Variants in NCAPD3 observed in about 807,000 individuals in gnomAD.
NCAPD3 encodes the protein condensin-2 complex subunit D3.
In NCAPD3, 105 loss-of-function variants were observed where a neutral mutation model predicts 182.9. That is an observed-to-expected ratio of 0.57 (90% CI 0.49 to 0.68). The LOEUF (loss-of-function observed/expected upper bound fraction) is 0.68, where lower values mean the gene tolerates loss of function less well. Among genes scored for constraint, NCAPD3 ranks in the 30% least tolerant of loss-of-function variants. NCAPD3 has a pLI of 0.00. For synonymous variants in NCAPD3, 815 were observed against 679.9 expected, an observed-to-expected ratio of 1.20 and a Z score of -3.09; for missense variants, 1,944 against 1,837.0, an observed-to-expected ratio of 1.06 and a Z score of -1.07.
intron 20 of NCAPD3, 96 bp downstream of exon 20, chr11:134,180,981 A>G: frequency 1.2e-6 from 1 of 848,394 alleles, no homozygotes; most frequent in Non-Finnish European, 1.9e-6. Flanking sequence ...CTCTTTTGTT[A>G]AAAGCATTTA....
At chr11:134,167,208 C>G (rs1417201371) in intron 27 of NCAPD3, among the ~76,000 whole-genome samples, 1 of 103,930 alleles carries the variant, frequency 9.6e-6, no homozygotes, top group Non-Finnish European at 1.8e-5. Context: ...TTAGGGAGAG[C>G]AGCACACTCG....
chr11:134,167,239 C>G (rs79079489), intron 27 of NCAPD3, among the ~76,000 whole-genome samples: 18 of 117,542 alleles, frequency 1.5e-4, no homozygotes, highest in South Asian at 1.2e-3. Flanking sequence ...TTGGGGGAGG[C>G]GCACACTCGT....
chr11:134,217,799 T>G (rs1938081062), intron 2 of NCAPD3, among the ~76,000 whole-genome samples: 1 of 152,116 alleles, frequency 6.6e-6, no homozygotes, highest in African/African-American at 2.4e-5. Context: ...CTAAAAAACT[T>G]ACGGGAGAAA....
intron 19 of NCAPD3, among the ~76,000 whole-genome samples, chr11:134,182,460 C>T (rs1206752888): frequency 2.0e-5 from 3 of 152,192 alleles, no homozygotes; most frequent in Admixed American, 6.5e-5. Flanking sequence ...GGCAGCCTAC[C>T]GTCCCCAACC....
chr11:134,183,378 G>A (rs1565538549), intron 19 of NCAPD3, among the ~76,000 whole-genome samples: 1 of 152,140 alleles, frequency 6.6e-6, no homozygotes, highest in Non-Finnish European at 1.5e-5. Flanking sequence ...GACCAGCCTG[G>A]CCAACATGGT....
intron 18 of NCAPD3, 47 bp from the exon 19 acceptor site, chr11:134,184,799 T>G (rs202131048): frequency 4.5e-6 from 6 of 1,322,374 alleles, no homozygotes; most frequent in East Asian, 2.4e-5. Flanking sequence ...TTAAATATAT[T>G]CAGGTATATA....
intron 13 of NCAPD3, among the ~76,000 whole-genome samples, chr11:134,201,872 T>A (rs1249536260): frequency 6.6e-6 from 1 of 152,256 alleles, no homozygotes; most frequent in East Asian, 1.9e-4. Flanking sequence ...GAGTAATACA[T>A]GCTAATATCT....
At chr11:134,165,836 C>T (rs551095191) in intron 27 of NCAPD3, among the ~76,000 whole-genome samples, 2 of 143,954 alleles carry the variant, frequency 1.4e-5, no homozygotes, top group Non-Finnish European at 3.0e-5. Context: ...GGGGGAGGCG[C>T]ACACTCGTGA....
chr11:134,209,385 T>C lies in NCAPD3; in HGVS notation c.660A>G (p.Leu220=), dbSNP rs1277509416. Residue 220 remains leucine (L), a synonymous_variant, in exon 5 of 35, where the codon TTA becomes TTG. Coordinates refer to ENST00000534548, the MANE Select transcript of NCAPD3 (RefSeq NM_015261.3). ...SQIRNAIFHL[L]KNFLRLLPKF... is the part of the protein sequence containing the mutation. Reference sequence around the variant, plus strand: ...TTGGCAGAAGCCTTAAAAAATTCTTTAAAAGGTGAAAGATGGCATTTCGAA... The same window carrying C: ...TTGGCAGAAGCCTTAAAAAATTCTTCAAAAGGTGAAAGATGGCATTTCGAA... The C allele has an allele frequency of 5.6e-6, 9 of 1,613,996 alleles. No individual in the cohort carries two copies. The highest frequency in any genetic ancestry group is 2.2e-5 in the East Asian group (1 of 44,882).
intron 27 of NCAPD3, among the ~76,000 whole-genome samples, chr11:134,163,855 C>T (rs1302700095): frequency 8.4e-6 from 1 of 119,350 alleles, no homozygotes; most frequent in Non-Finnish European, 1.6e-5. Context: ...CTGGGCGACG[C>T]AGTGAGATTC....
intron 32 of NCAPD3, among the ~76,000 whole-genome samples, chr11:134,155,551 A>G (rs905663271): frequency 2.0e-5 from 3 of 152,210 alleles, no homozygotes; most frequent in Admixed American, 1.3e-4. Flanking sequence ...GGCTCCACAC[A>G]GGCAGATGAG....
chr11:134,156,792 G>C (rs987926946), intron 32 of NCAPD3: 1 of 426,478 alleles, frequency 2.3e-6, no homozygotes, highest in African/African-American at 2.0e-5. Context: ...GGCCACTGTG[G>C]TGTTTGACTG....
chr11:134,159,520 G>T (rs957079952), intron 29 of NCAPD3, among the ~76,000 whole-genome samples: 2 of 152,216 alleles, frequency 1.3e-5, no homozygotes, highest in African/African-American at 4.8e-5. Context: ...AGATCTGCCT[G>T]CATTCCTCAG....
chr11:134,210,960 A>G (rs1048402749), intron 3 of NCAPD3, among the ~76,000 whole-genome samples: 4 of 152,236 alleles, frequency 2.6e-5, no homozygotes, highest in Admixed American at 2.6e-4. Flanking sequence ...ACACAGAAAA[A>G]GAGTTCTAGA....
chr11:134,207,443 T>C (rs1232667651), intron 7 of NCAPD3, among the ~76,000 whole-genome samples: 1 of 152,008 alleles, frequency 6.6e-6, no homozygotes, highest in East Asian at 1.9e-4. Flanking sequence ...AAGTCAGTAC[T>C]TTCACAATTA....
rs1943200572 is a variant in NCAPD3, at chr11:134,150,787, G to A, written c.*2157C>T. The A allele has an allele frequency of 2.6e-5, 4 of 152,126 alleles. No homozygotes were observed. The highest frequency in any genetic ancestry group is 4.2e-4 in the South Asian group (2 of 4,818). The allele number at this position is 152,126 out of a possible 1,614,324, so 9.4% of individuals were successfully genotyped here. A position where few individuals can be genotyped will look rare whatever the true frequency, so the allele number is the denominator to read the frequency against. Reference sequence around the variant, plus strand: ...TTTGCCACAGAGAAAGCACCCAGACGCCACAGGCTCTGTCGCATTTCAAAA... The same window carrying A: ...TTTGCCACAGAGAAAGCACCCAGACACCACAGGCTCTGTCGCATTTCAAAA... On this transcript the variant is annotated 3_prime_UTR_variant, in exon 35 of 35. Coordinates refer to ENST00000534548, the MANE Select transcript of NCAPD3 (RefSeq NM_015261.3).
chr11:134,211,429 C>T (rs1937827746), intron 3 of NCAPD3, among the ~76,000 whole-genome samples: 1 of 152,114 alleles, frequency 6.6e-6, no homozygotes, highest in African/African-American at 2.4e-5. Flanking sequence ...GGGCAGATCA[C>T]TTGAGTCCAG....
chr11:134,183,949 A>G (rs1944347127), intron 19 of NCAPD3, among the ~76,000 whole-genome samples: 1 of 152,240 alleles, frequency 6.6e-6, no homozygotes, highest in Non-Finnish European at 1.5e-5. Context: ...AGCCATTATT[A>G]ATAACCCCAG....
At position 134,192,857 on chromosome 11, in the gene NCAPD3, G is replaced by C. The variant is rs147739086; in HGVS notation, c.1877C>G (p.Pro626Arg). ...IQKAWLRGVV[P>R]VVMDCESTVQ... The stretch of plus-strand genomic sequence containing the variant: ...AGTGCTCTCGCAGTCCATCACCACC[G>C]GGACCACCCCCCGCAACCAGGCTTT... Residue 626 changes from proline (P) to arginine (R), a missense_variant, in exon 16 of 35, where the codon CCG becomes CGG. Coordinates refer to ENST00000534548, the MANE Select transcript of NCAPD3 (RefSeq NM_015261.3). 7 of 1,613,870 alleles carry C rather than the reference G, an allele frequency of 4.3e-6. No individual in the cohort carries two copies. In the Admixed American group the frequency reaches 5.0e-5, roughly 12 times the overall value.
Sources: gnomAD v4.1 joint callset for allele counts (sites outside exome capture counted in the v4.1 genomes callset) on GRCh38, gnomAD v4.1.1 for gene constraint, MANE v1.5 for transcripts, NCBI Gene and HGNC (gene_info 2026-07-23, HGNC 2026-07-21) for gene names.